KPNA5: variants seen among roughly 807,000 people sequenced by gnomAD.
KPNA5 encodes importin subunit alpha-6.
KPNA5 carries 46 observed loss-of-function variants against 71.3 expected under a neutral mutation model. The ratio of observed to expected loss-of-function variants is 0.65; its 90% CI spans 0.51 to 0.83. KPNA5 has a LOEUF of 0.83. KPNA5 is among the 40% of genes least tolerant of loss of function. The pLI, the probability that KPNA5 is intolerant of heterozygous loss-of-function variation, is 0.00. For missense variants in KPNA5, 547 were observed against 628.3 expected, an observed-to-expected ratio of 0.87 and a Z score of 1.38; for synonymous variants, 207 against 201.4, an observed-to-expected ratio of 1.03 and a Z score of -0.24.
chr6:116,730,893 A>G (rs529044127), intron 13 of KPNA5, among the ~76,000 whole-genome samples: 76 of 150,646 alleles, frequency 5.0e-4, no homozygotes, highest in African/African-American at 1.8e-3. Context: ...ATTTTATTTT[A>G]TAGTAGTTTA....
chr6:116,693,023 A>G lies in KPNA5; in HGVS notation c.340+631A>G, dbSNP rs567359844. Among the ~76,000 whole-genome samples, 10 of 152,222 alleles carry G rather than the reference A, an allele frequency of 6.6e-5. No homozygotes were observed. The East Asian group carries it at 1.9e-3, about 29-fold the overall frequency. On this transcript the variant is annotated intron_variant, in intron 4 of 13. Transcript: ENST00000368564. The stretch of plus-strand genomic sequence containing the variant: ...TCCTTGCAATAATTTTCTGAGAATG[A>G]TGGTTTCCAGCTTCATCCATGTCCC...
Position 116,692,278 on chromosome 6 carries a change from G to A in KPNA5, c.241-15G>A, listed in dbSNP as rs747780453. ...ATATGTAAATGTTAATTATATTTTTGTGTGTGTGTTTTAGGAAGAAGTTGT... is the reference window on the plus strand; with the variant it reads ...ATATGTAAATGTTAATTATATTTTTATGTGTGTGTTTTAGGAAGAAGTTGT... On this transcript the variant is annotated splice_polypyrimidine_tract_variant and intron_variant, in intron 3 of 13. Coordinates refer to ENST00000368564, the MANE Select transcript of KPNA5 (RefSeq NM_001366306.2). 3 of 1,485,966 alleles carry A rather than the reference G, an allele frequency of 2.0e-6. No homozygotes were observed. Among genetic ancestry groups the A allele is most frequent in the Non-Finnish European group, 2.8e-6 (3 of 1,079,510 alleles). The allele number at this position is 1,485,966 out of a possible 1,614,324, so 92.0% of individuals were successfully genotyped here.
intron 3 of KPNA5, 52 bp downstream of exon 3, chr6:116,692,208 AGTAT>A: frequency 7.0e-7 from 1 of 1,435,968 alleles, no homozygotes; most frequent in Non-Finnish European, 9.7e-7. Context: ...TTTTAGCAAT[AGTAT>A]GTATAACAAA....
At chr6:116,727,528 T>C (rs774620733) in intron 12 of KPNA5, among the ~76,000 whole-genome samples, 1 of 152,012 alleles carries the variant, frequency 6.6e-6, no homozygotes, top group Non-Finnish European at 1.5e-5. Context: ...TATGCATAGG[T>C]TGTATGCAAA....
Position 116,726,547 on chromosome 6 carries a change from C to G in KPNA5, c.1178C>G (p.Ala393Gly). The change falls in exon 12 of 14, where the codon GCA becomes GGA. Residue 393 changes from alanine (A) to glycine (G), a missense_variant. Coordinates refer to ENST00000368564, the MANE Select transcript of KPNA5 (RefSeq NM_001366306.2). ...GTTTTGATTGAGATTCTTCAGAAAG[C>G]AGAGTTTCGTACCAGAAAAGAAGCA... ...FPVLIEILQK[A>G]EFRTRKEAAW... The G allele has an allele frequency of 1.2e-6, 2 of 1,612,156 alleles. No individual in the cohort carries two copies. Among genetic ancestry groups the G allele is most frequent in the Non-Finnish European group, 1.7e-6 (2 of 1,178,870 alleles).
chr6:116,710,893 A>ATATT (rs1302327650), intron 7 of KPNA5, among the ~76,000 whole-genome samples: 2 of 86,740 alleles, frequency 2.3e-5, no homozygotes, highest in African/African-American at 9.0e-5. Context: ...ATATATATAT[A>ATATT]TTTTTTTTTT....
intron 7 of KPNA5, among the ~76,000 whole-genome samples, chr6:116,710,898 T>C (rs1231154980): frequency 1.0e-5 from 1 of 97,908 alleles, no homozygotes. Context: ...TATATATTTT[T>C]TTTTTTTTTT....
In KPNA5 at chr6:116,726,546, G is replaced by A. The variant is rs1779295554; in HGVS notation, c.1177G>A (p.Ala393Thr). ...TGTTTTGATTGAGATTCTTCAGAAA[G>A]CAGAGTTTCGTACCAGAAAAGAAGC... ...FPVLIEILQK[A>T]EFRTRKEAAW... The change falls in exon 12 of 14, where the codon GCA becomes ACA. Residue 393 changes from alanine (A) to threonine (T), a missense_variant. Physicochemically the swap from Ala to Thr is moderately conservative, Grantham distance 58 (BLOSUM62 0). Transcript: ENST00000368564. 1.2e-6 allele frequency: 2 copies of A among 1,612,362 alleles called. No homozygotes were observed. Among genetic ancestry groups the A allele is most frequent in the Admixed American group, 3.3e-5 (2 of 59,858 alleles).
rs1779845646 is a variant in KPNA5, at chr6:116,740,794, T to C, written c.*8471T>C. 1 of 131,456 alleles carries C rather than the reference T, an allele frequency of 7.6e-6. No individual in the cohort carries two copies. The highest frequency in any genetic ancestry group is 2.3e-4 in the South Asian group (1 of 4,388). The allele number at this position is 131,456 out of a possible 1,614,324, so 8.1% of individuals were successfully genotyped here. A position where few individuals can be genotyped will look rare whatever the true frequency, so the allele number is the denominator to read the frequency against. On this transcript the variant is annotated 3_prime_UTR_variant, in exon 14 of 14. Coordinates refer to ENST00000368564, the MANE Select transcript of KPNA5 (RefSeq NM_001366306.2). ...TCACTCATAGGTGGGAATTGAACAATGAGAACACATGGACACAGGAAGGGG... is the reference window on the plus strand; with the variant it reads ...TCACTCATAGGTGGGAATTGAACAACGAGAACACATGGACACAGGAAGGGG...
At position 116,692,727 on chromosome 6, in the gene KPNA5, T is replaced by A. The variant is rs1266982596; in HGVS notation, c.340+335T>A. Reference sequence around the variant, plus strand: ...CATGATTTTTTATTTTTATTTGTATTTATTTATTTTTTATTTTTTTGTTAT... The same window carrying A: ...CATGATTTTTTATTTTTATTTGTATATATTTATTTTTTATTTTTTTGTTAT... On this transcript the variant is annotated intron_variant, in intron 4 of 13. Transcript: ENST00000368564. Among the ~76,000 whole-genome samples the A allele has an allele frequency of 4.6e-5, 7 of 152,150 alleles. No individual in the cohort carries two copies. In the East Asian group the frequency reaches 1.3e-3, roughly 29 times the overall value.
Position 116,733,143 on chromosome 6 carries a change from G to C in KPNA5, c.*820G>C, listed in dbSNP as rs1779555760. On this transcript the variant is annotated 3_prime_UTR_variant, in exon 14 of 14. Coordinates refer to ENST00000368564, the MANE Select transcript of KPNA5 (RefSeq NM_001366306.2). Reference sequence around the variant, plus strand: ...TGTTTTTCACTCATTGTTTTAAAGAGCATCATGACAGAGATGTCATCATGA... The same window carrying C: ...TGTTTTTCACTCATTGTTTTAAAGACCATCATGACAGAGATGTCATCATGA... 6.6e-6 allele frequency: 1 copy of C among 151,658 alleles called. No homozygotes were observed. The highest frequency in any genetic ancestry group is 2.4e-5 in the African/African-American group (1 of 41,390). The allele number at this position is 151,658 out of a possible 1,614,324, so 9.4% of individuals were successfully genotyped here.
At chr6:116,719,708 C>T (rs1249691961) in intron 8 of KPNA5, among the ~76,000 whole-genome samples, 1 of 151,998 alleles carries the variant, frequency 6.6e-6, no homozygotes, top group African/African-American at 2.4e-5. Context: ...AATTAGCTGA[C>T]TGTGGTAGCA....
chr6:116,701,884 G>T, intron 5 of KPNA5, 135 bp from the exon 6 acceptor site: 1 of 633,570 alleles, frequency 1.6e-6, no homozygotes. Flanking sequence ...CCTTAAATCT[G>T]ACTTCACAAT....
chr6:116,683,184 T>C (rs1324411215), intron 1 of KPNA5, among the ~76,000 whole-genome samples: 1 of 152,236 alleles, frequency 6.6e-6, no homozygotes, highest in African/African-American at 2.4e-5. Flanking sequence ...ACTTTCATTC[T>C]TAAAAATTTC....
At chr6:116,712,605 T>C (rs1778741856) in intron 7 of KPNA5, among the ~76,000 whole-genome samples, 1 of 152,156 alleles carries the variant, frequency 6.6e-6, no homozygotes, top group Non-Finnish European at 1.5e-5. Flanking sequence ...TACTGATAAA[T>C]GGGGACTTAC....
intron 7 of KPNA5, among the ~76,000 whole-genome samples, chr6:116,711,831 C>T (rs1298649749): frequency 5.9e-5 from 9 of 152,204 alleles, no homozygotes; most frequent in East Asian, 3.9e-4. Context: ...CACGTTGGCC[C>T]GGCTGGTCTC....
intron 5 of KPNA5, 150 bp downstream of exon 5, chr6:116,698,948 G>T: frequency 2.2e-6 from 1 of 449,504 alleles, no homozygotes. Context: ...TCTTGTCTTG[G>T]ACACGGTTTC....
chr6:116,718,515 G>A (rs1230843127), intron 8 of KPNA5, among the ~76,000 whole-genome samples: 4 of 151,788 alleles, frequency 2.6e-5, no homozygotes, highest in African/African-American at 7.3e-5. Flanking sequence ...TACCTGCCTC[G>A]GCCTCCCAAA....
chr6:116,717,909 T>C (rs1778952381), intron 8 of KPNA5, among the ~76,000 whole-genome samples: 1 of 152,136 alleles, frequency 6.6e-6, no homozygotes, highest in Non-Finnish European at 1.5e-5. Context: ...CAGAAAGTTA[T>C]ACTCCGTCAT....
Sources: gnomAD v4.1 joint callset for allele counts (sites outside exome capture counted in the v4.1 genomes callset) on GRCh38, gnomAD v4.1.1 for gene constraint, MANE v1.5 for transcripts, NCBI Gene and HGNC (gene_info 2026-07-23, HGNC 2026-07-21) for gene names.